Variants in SOCS2 observed in about 807,000 individuals in gnomAD.
SOCS2 encodes the protein CIS-2.
In SOCS2, 10 loss-of-function variants were observed where a neutral mutation model predicts 18.6. The observed-to-expected ratio is 0.54, with a 90% CI of 0.33 to 0.91. The LOEUF is 0.91. Among genes scored for constraint, SOCS2 ranks in the 40% least tolerant of loss-of-function variants. SOCS2 has a pLI of 0.02. For missense variants in SOCS2, 231 were observed against 247.2 expected (o/e 0.93, Z 0.44); for synonymous variants, 104 against 104.0 (o/e 1.00, Z 0.00).
downstream of SOCS2, among the ~76,000 whole-genome samples, chr12:93,578,092 G>A (rs1051656468): frequency 6.6e-6 from 1 of 152,204 alleles, no homozygotes; most frequent in African/African-American, 2.4e-5. Flanking sequence ...CCATTACAGT[G>A]AGCAGTGGTG....
the SOCS2 span, among the ~76,000 whole-genome samples, chr12:93,614,424 T>C: frequency 6.5e-3 from 651 of 100,328 alleles, 45 homozygotes; most frequent in Middle Eastern, 0.015. Context: ...TTTCTTCCTT[T>C]CTTTCCCTTC....
chr12:93,589,223 A>G, the SOCS2 span, among the ~76,000 whole-genome samples: 3 of 152,108 alleles, frequency 2.0e-5, no homozygotes. Flanking sequence ...CTGCGACCCC[A>G]TCATATATTT....
the SOCS2 span, among the ~76,000 whole-genome samples, chr12:93,620,142 T>C: frequency 1.3e-5 from 2 of 150,974 alleles, no homozygotes; most frequent in East Asian, 3.9e-4. Context: ...TTTCAATGTC[T>C]TTTTTTGTTT....
chr12:93,588,094 A>G (rs1257959096), downstream of SOCS2, among the ~76,000 whole-genome samples: 5 of 152,340 alleles, frequency 3.3e-5, no homozygotes, highest in East Asian at 9.6e-4. Context: ...TGGATTGGAA[A>G]AAAGCGTTAT....
At chr12:93,611,763 G>T in the SOCS2 span, among the ~76,000 whole-genome samples, 1 of 152,102 alleles carries the variant, frequency 6.6e-6, no homozygotes, top group African/African-American at 2.4e-5. Flanking sequence ...CTAAATGATT[G>T]CAGAAATAAA....
chr12:93,577,589 T>C (rs1203510014), downstream of SOCS2, among the ~76,000 whole-genome samples: 1 of 151,672 alleles, frequency 6.6e-6, no homozygotes, highest in Non-Finnish European at 1.5e-5. Context: ...TCTACATTGA[T>C]CCAGACAAAC....
the SOCS2 span, among the ~76,000 whole-genome samples, chr12:93,604,218 G>A: frequency 2.0e-5 from 3 of 151,450 alleles, no homozygotes; most frequent in African/African-American, 7.3e-5. Context: ...AAAAAAACAA[G>A]AAAAATAGTT....
the SOCS2 span, among the ~76,000 whole-genome samples, chr12:93,598,369 C>T: frequency 6.6e-6 from 1 of 151,872 alleles, no homozygotes; most frequent in Non-Finnish European, 1.5e-5. Flanking sequence ...TTAGGAAGGA[C>T]CAAAGAGATG....
the SOCS2 span, among the ~76,000 whole-genome samples, chr12:93,621,562 G>C: frequency 1.0e-3 from 158 of 152,178 alleles, no homozygotes; most frequent in African/African-American, 3.4e-3. Context: ...CTGCAGCCTC[G>C]AACGGTCAGG....
the SOCS2 span, among the ~76,000 whole-genome samples, chr12:93,602,264 A>T: frequency 1.3e-5 from 2 of 151,988 alleles, no homozygotes; most frequent in East Asian, 1.9e-4. Flanking sequence ...TTTTTTAAAA[A>T]TTTTTATTTT....
chr12:93,582,381 A>T (rs1398364355), intron 1 of SOCS2, among the ~76,000 whole-genome samples: 1 of 152,108 alleles, frequency 6.6e-6, no homozygotes, highest in Non-Finnish European at 1.5e-5. Flanking sequence ...CAACAGAACT[A>T]AGTTTGTGTT....
At chr12:93,614,401 CTTTCTTT>C in the SOCS2 span, among the ~76,000 whole-genome samples, 1 of 141,496 alleles carries the variant, frequency 7.1e-6, no homozygotes, top group East Asian at 2.0e-4. Flanking sequence ...TTCTTTCTTT[CTTTCTTT>C]CTTTCTTTCT....
chr12:93,594,528 G>A, the SOCS2 span, among the ~76,000 whole-genome samples: 1 of 152,066 alleles, frequency 6.6e-6, no homozygotes, highest in African/African-American at 2.4e-5. Context: ...TTAACAATTT[G>A]CTAATGGCCT....
At chr12:93,578,353 G>A (rs146415594), downstream of SOCS2, among the ~76,000 whole-genome samples, 28 of 152,224 alleles carry the variant, frequency 1.8e-4, no homozygotes, top group East Asian at 4.6e-3. Flanking sequence ...CGTCATCTTC[G>A]TCAAGTAATC....
chr12:93,612,836 T>C, the SOCS2 span, among the ~76,000 whole-genome samples: 1 of 152,214 alleles, frequency 6.6e-6, no homozygotes, highest in Non-Finnish European at 1.5e-5. Context: ...ATGTAACCCC[T>C]ACACGGGAAT....
the SOCS2 span, among the ~76,000 whole-genome samples, chr12:93,618,276 A>G: frequency 7.2e-5 from 11 of 152,116 alleles, no homozygotes; most frequent in African/African-American, 2.7e-4. Context: ...TTTATAAATT[A>G]CCCAGTCTCA....
At chr12:93,624,182 G>A in the SOCS2 span, among the ~76,000 whole-genome samples, 1 of 152,166 alleles carries the variant, frequency 6.6e-6, no homozygotes, top group African/African-American at 2.4e-5. Flanking sequence ...GGACACAGAG[G>A]TCAAGGTGCC....
downstream of SOCS2, among the ~76,000 whole-genome samples, chr12:93,583,891 CACTT>C (rs148454919): frequency 1.6e-4 from 25 of 152,344 alleles, no homozygotes; most frequent in East Asian, 9.6e-4. Context: ...AGGAGATTGA[CACTT>C]ACACAGATTA....
the SOCS2 span, among the ~76,000 whole-genome samples, chr12:93,612,705 A>G: frequency 6.6e-6 from 1 of 152,312 alleles, no homozygotes; most frequent in South Asian, 2.1e-4. Context: ...AGTCCCTGGC[A>G]CCAGGAGGAT....
Sources: allele counts gnomAD v4.1 joint callset (sites outside exome capture counted in the v4.1 genomes callset), GRCh38; gene constraint gnomAD v4.1.1; transcripts MANE v1.5; gene names NCBI Gene and HGNC (gene_info 2026-07-23, HGNC 2026-07-21).